Variants in BMP3 observed in about 807,000 individuals in gnomAD.
The protein encoded by BMP3 is bone morphogenetic protein 3, also known as bone morphogenetic protein 3 (osteogenic).
BMP3 carries 23 observed loss-of-function variants against 38.1 expected under a neutral mutation model. The observed-to-expected ratio is 0.60, with a 90% CI of 0.43 to 0.86. The LOEUF is 0.86. Among genes scored for constraint, BMP3 ranks in the 40% least tolerant of loss-of-function variants. The pLI is 0.00. For missense variants in BMP3, 628 were observed against 579.6 expected (o/e 1.08, Z -0.86); for synonymous variants, 258 against 225.7 (o/e 1.14, Z -1.28).
Position 81,046,501 on chromosome 4 carries a change from G to A in BMP3, c.1080G>A (p.Arg360=). Residue 360 remains arginine, a synonymous_variant, in exon 2 of 3, where the codon AGG becomes AGA. Transcript: ENST00000282701. The part of the protein sequence containing the change: ...QFDEQTLKKA[R]RKQWIEPRNC... ...ATGAGCAGACCCTGAAAAAGGCAAG[G>A]AGAAAGCAGTGGATTGAACCTCGGA... 1.2e-6 allele frequency: 2 copies of A among 1,614,084 alleles called. 1 individual carries two copies. The highest frequency in any genetic ancestry group is 2.2e-5 in the South Asian group (2 of 91,082).
At chr4:81,051,908 A>G (rs1740407481) in intron 2 of BMP3, among the ~76,000 whole-genome samples, 2 of 152,186 alleles carry the variant, frequency 1.3e-5, no homozygotes, top group South Asian at 4.1e-4. Flanking sequence ...CCTAATCACA[A>G]TAAAGTTGAA....
At chr4:81,044,212 T>G (rs1427621087) in intron 1 of BMP3, among the ~76,000 whole-genome samples, 1 of 152,186 alleles carries the variant, frequency 6.6e-6, no homozygotes, top group Non-Finnish European at 1.5e-5. Context: ...TACAATACAT[T>G]GCCAAATTTG....
chr4:81,031,614 G>A lies in BMP3; in HGVS notation c.316+14G>A. The A allele has an allele frequency of 6.4e-7, 1 of 1,565,454 alleles. No homozygotes were observed. Among genetic ancestry groups the A allele is most frequent in the Non-Finnish European group, 8.6e-7 (1 of 1,158,190 alleles). On this transcript the variant is annotated intron_variant, in intron 1 of 2. Coordinates refer to ENST00000282701, the MANE Select transcript of BMP3 (RefSeq NM_001201.5). ...CGGCAGCAGCAGGTGAGTGCGCGAG[G>A]TGAGACTCCCTTCCCGCGGTCCCGC...
intron 1 of BMP3, among the ~76,000 whole-genome samples, chr4:81,036,273 T>G (rs1239592090): frequency 6.6e-6 from 1 of 152,046 alleles, no homozygotes; most frequent in Non-Finnish European, 1.5e-5. Flanking sequence ...ACTACCTTGA[T>G]GAAAGACACA....
At position 81,041,945 on chromosome 4, in the gene BMP3, C is replaced by CTT. The variant is rs147145158; in HGVS notation, c.317-3784_317-3783dup. Among the ~76,000 whole-genome samples, 294 of 149,534 alleles carry CTT rather than the reference C, an allele frequency of 2.0e-3. 1 individual carries two copies. Among genetic ancestry groups the CTT allele is most frequent in the Middle Eastern group, 3.4e-3 (1 of 290 alleles). Reference sequence around the variant, plus strand: ...GCTTGTATTATCATCATGGCATAGTCTTTTTTTTTTCCTTTCCATTTTGAC... The same window carrying CTT: ...GCTTGTATTATCATCATGGCATAGTCTTTTTTTTTTTTCCTTTCCATTTTGAC... On this transcript the variant is annotated intron_variant, in intron 1 of 2. Coordinates refer to ENST00000282701, the MANE Select transcript of BMP3 (RefSeq NM_001201.5).
intron 1 of BMP3, 52 bp downstream of exon 1, chr4:81,031,652 C>T: frequency 6.7e-7 from 1 of 1,485,398 alleles, no homozygotes; most frequent in Non-Finnish European, 8.9e-7. Context: ...CAGCTTTCTC[C>T]CGGGACCCCC....
At position 81,053,485 on chromosome 4, in the gene BMP3, A is replaced by G; in HGVS notation, c.1368A>G (p.Val456=). The change falls in exon 3 of 3, where the codon GTA becomes GTG. Residue 456 remains valine, a synonymous_variant. Coordinates refer to ENST00000282701, the MANE Select transcript of BMP3 (RefSeq NM_001201.5). ...TATTCTTTGATGAAAATAAGAATGT[A>G]GTGCTTAAAGTATACCCTAACATGA... ...SILFFDENKN[V]VLKVYPNMTV... 1.2e-6 allele frequency: 2 copies of G among 1,606,116 alleles called. No homozygotes were observed. Among genetic ancestry groups the G allele is most frequent in the East Asian group, 2.3e-5 (1 of 44,376 alleles).
chr4:81,045,099 C>G (rs1197693630), intron 1 of BMP3, among the ~76,000 whole-genome samples: 2 of 152,204 alleles, frequency 1.3e-5, no homozygotes, highest in East Asian at 3.8e-4. Flanking sequence ...GTTCCAATTT[C>G]TCCACCTTCT....
chr4:81,053,404 T>C lies in BMP3; in HGVS notation c.1287T>C (p.Val429=). The change falls in exon 3 of 3, where the codon GTT becomes GTC. Residue 429 remains valine, a synonymous_variant. Transcript: ENST00000282701. ...GTATAGTGAGAGCTGTGGGGGTCGT[T>C]CCTGGGATTCCTGAGCCTTGCTGTG... The part of the protein sequence containing the change: ...IQSIVRAVGV[V]PGIPEPCCVP... 1 of 1,611,188 alleles carries C rather than the reference T, an allele frequency of 6.2e-7. No homozygotes were observed. The highest frequency in any genetic ancestry group is 8.5e-7 in the Non-Finnish European group (1 of 1,178,858).
rs186285910 is a variant in BMP3, at chr4:81,045,071, C to T, written c.317-667C>T. On this transcript the variant is annotated intron_variant, in intron 1 of 2. Transcript: ENST00000282701. Reference sequence around the variant, plus strand: ...CAGCAGGTGAACCATTTTGCATTCCCACCAGCAATTTGAGAGTGTTCCAAT... The same window carrying T: ...CAGCAGGTGAACCATTTTGCATTCCTACCAGCAATTTGAGAGTGTTCCAAT... Among the ~76,000 whole-genome samples, 41 of 152,274 alleles carry T rather than the reference C, an allele frequency of 2.7e-4. 1 individual carries two copies. Among genetic ancestry groups the T allele is most frequent in the African/African-American group, 9.1e-4 (38 of 41,550 alleles).
chr4:81,040,865 C>A (rs751609902), intron 1 of BMP3, among the ~76,000 whole-genome samples: 10 of 151,944 alleles, frequency 6.6e-5, no homozygotes, highest in African/African-American at 1.2e-4. Flanking sequence ...AAAATCCACC[C>A]TTTTTTTTAT....
chr4:81,035,379 A>G (rs954760973), intron 1 of BMP3, among the ~76,000 whole-genome samples: 9 of 152,174 alleles, frequency 5.9e-5, no homozygotes, highest in Admixed American at 2.6e-4. Flanking sequence ...TAATTCACTC[A>G]AGGAATATTT....
intron 2 of BMP3, among the ~76,000 whole-genome samples, chr4:81,047,637 A>G (rs1245818287): frequency 2.0e-5 from 3 of 152,008 alleles, no homozygotes; most frequent in African/African-American, 7.2e-5. Context: ...CATTTTTGCT[A>G]TTGTATGATA....
At chr4:81,039,942 C>T (rs950165905) in intron 1 of BMP3, among the ~76,000 whole-genome samples, 4 of 152,068 alleles carry the variant, frequency 2.6e-5, no homozygotes, top group African/African-American at 9.7e-5. Context: ...AAGCTTGCAT[C>T]CAGGAATGGT....
intron 1 of BMP3, among the ~76,000 whole-genome samples, chr4:81,037,662 T>A (rs182988726): frequency 1.3e-5 from 2 of 152,250 alleles, no homozygotes; most frequent in East Asian, 3.9e-4. Context: ...GCATTAAACA[T>A]ATCTCAAATG....
Position 81,048,751 on chromosome 4 carries a change from A to C in BMP3, c.1227+2103A>C, listed in dbSNP as rs181326467. The stretch of plus-strand genomic sequence containing the variant: ...GAGAGAAGTATGTTAGTGCAGAAGA[A>C]TAATTAAATGTACACGCTTGGTCAT... On this transcript the variant is annotated intron_variant, in intron 2 of 2. Coordinates refer to ENST00000282701, the MANE Select transcript of BMP3 (RefSeq NM_001201.5). Among the ~76,000 whole-genome samples, 5 of 152,348 alleles carry C rather than the reference A, an allele frequency of 3.3e-5. No individual in the cohort carries two copies. In the East Asian group the frequency reaches 7.7e-4, roughly 23 times the overall value.
intron 1 of BMP3, among the ~76,000 whole-genome samples, chr4:81,042,829 C>T (rs1346503665): frequency 6.6e-6 from 1 of 152,140 alleles, no homozygotes; most frequent in Admixed American, 6.5e-5. Context: ...CCACTTTAAA[C>T]TTCTAGCTAC....
At chr4:81,032,281 A>G (rs917401444) in intron 1 of BMP3, among the ~76,000 whole-genome samples, 2 of 149,686 alleles carry the variant, frequency 1.3e-5, no homozygotes, top group African/African-American at 2.5e-5. Context: ...TGTACCATCC[A>G]TCCTGGGAGG....
At chr4:81,042,285 A>G (rs905457789) in intron 1 of BMP3, among the ~76,000 whole-genome samples, 4 of 152,172 alleles carry the variant, frequency 2.6e-5, no homozygotes, top group African/African-American at 9.7e-5. Context: ...ACATACTATC[A>G]TACTGGAAAC....
Sources: gnomAD v4.1 joint callset for allele counts (sites outside exome capture counted in the v4.1 genomes callset) on GRCh38, gnomAD v4.1.1 for gene constraint, MANE v1.5 for transcripts, NCBI Gene and HGNC (gene_info 2026-07-23, HGNC 2026-07-21) for gene names.